CPNE4: variants seen among roughly 807,000 people sequenced by gnomAD.
The protein encoded by CPNE4 is copine-4.
CPNE4 carries 25 observed loss-of-function variants against 67.9 expected under a neutral mutation model. The observed-to-expected ratio is 0.37, with a 90% CI of 0.27 to 0.51. CPNE4 has a LOEUF of 0.51. Among genes scored for constraint, CPNE4 ranks in the 20% least tolerant of loss-of-function variants. The probability of loss-of-function intolerance (pLI) is 0.93; values close to 1 mark genes in which losing one functional copy is unlikely to be tolerated. For missense variants in CPNE4, 464 were observed against 690.8 expected (o/e 0.67, Z 3.68); for synonymous variants, 242 against 244.9 (o/e 0.99, Z 0.11).
At chr3:131,915,581 T>C (rs2089152679) in intron 1 of CPNE4, among the ~76,000 whole-genome samples, 1 of 152,206 alleles carries the variant, frequency 6.6e-6, no homozygotes, top group Non-Finnish European at 1.5e-5. Context: ...TATGAGTACA[T>C]GAATTAACAA....
chr3:131,958,620 T>C (rs141457668), intron 1 of CPNE4, among the ~76,000 whole-genome samples: 1 of 25,076 alleles, frequency 4.0e-5, no homozygotes, highest in African/African-American at 8.4e-5. Flanking sequence ...TTTTTTTTTT[T>C]TTTTTTTTTT....
intron 11 of CPNE4, among the ~76,000 whole-genome samples, chr3:131,556,908 A>G (rs77051965): frequency 0.027 from 4,172 of 152,200 alleles, 64 homozygotes; most frequent in Middle Eastern, 0.051. Context: ...GTATCTATTT[A>G]TTAAATTCTC....
chr3:131,873,031 G>C (rs1451757123), intron 2 of CPNE4, among the ~76,000 whole-genome samples: 1 of 152,148 alleles, frequency 6.6e-6, no homozygotes, highest in South Asian at 2.1e-4. Flanking sequence ...GTAAAGTTTT[G>C]CACGGTAATA....
At chr3:131,997,331 A>G (rs1560757226) in intron 1 of CPNE4, among the ~76,000 whole-genome samples, 1 of 152,074 alleles carries the variant, frequency 6.6e-6, no homozygotes, top group African/African-American at 2.4e-5. Flanking sequence ...CACTGTAGAG[A>G]CTGGTCTTCA....
intron 12 of CPNE4, among the ~76,000 whole-genome samples, chr3:131,554,902 A>G (rs1559888732): frequency 6.6e-6 from 1 of 151,668 alleles, no homozygotes. Context: ...GTAGTGTCTC[A>G]GCCTCATTAC....
At chr3:131,852,026 T>G (rs190759234) in intron 2 of CPNE4, among the ~76,000 whole-genome samples, 1 of 152,064 alleles carries the variant, frequency 6.6e-6, no homozygotes, top group Non-Finnish European at 1.5e-5. Flanking sequence ...CTCTGACTTA[T>G]GCAAGGTCAA....
At chr3:131,547,866 G>A (rs1935960038) in intron 14 of CPNE4, among the ~76,000 whole-genome samples, 1 of 152,134 alleles carries the variant, frequency 6.6e-6, no homozygotes, top group African/African-American at 2.4e-5. Context: ...ATAGCTATGG[G>A]TCACCTGATG....
At chr3:131,740,304 G>C (rs971131698) in intron 2 of CPNE4, among the ~76,000 whole-genome samples, 37 of 152,206 alleles carry the variant, frequency 2.4e-4, no homozygotes, top group African/African-American at 8.4e-4. Flanking sequence ...TGGCTCCCTA[G>C]GTCATCTTAT....
chr3:131,809,442 T>C (rs1275029598), intron 2 of CPNE4, among the ~76,000 whole-genome samples: 1 of 152,088 alleles, frequency 6.6e-6, no homozygotes, highest in African/African-American at 2.4e-5. Context: ...GATAATAAAT[T>C]TGTGTTGCTT....
At chr3:132,037,196 A>C (rs772863374), upstream of CPNE4, among the ~76,000 whole-genome samples, 2 of 152,242 alleles carry the variant, frequency 1.3e-5, no homozygotes, top group East Asian at 3.8e-4. Context: ...CAAACTAAAC[A>C]CAATGCCACA....
At chr3:131,931,197 T>A (rs937949199) in intron 1 of CPNE4, among the ~76,000 whole-genome samples, 1 of 152,132 alleles carries the variant, frequency 6.6e-6, no homozygotes. Context: ...TTTTGCAATA[T>A]TGCTCTTGAA....
Position 131,695,952 on chromosome 3 carries a change from C to T in CPNE4, c.507+590G>A, listed in dbSNP as rs181181499. On this transcript the variant is annotated intron_variant, in intron 5 of 15. Coordinates refer to ENST00000429747, the MANE Select transcript of CPNE4 (RefSeq NM_130808.3). ...TATGTTTTACTTCAATGATGAATTC[C>T]AGGTTGCAGATGTGAGAGTGGAATG... 2.0e-5 allele frequency among the ~76,000 whole-genome samples: 3 copies of T among 152,172 alleles called. No homozygotes were observed. The East Asian group carries it at 5.8e-4, about 29-fold the overall frequency.
chr3:131,766,990 G>GA (rs1162285139), intron 2 of CPNE4, among the ~76,000 whole-genome samples: 1 of 152,112 alleles, frequency 6.6e-6, no homozygotes, highest in Non-Finnish European at 1.5e-5. Context: ...GAAAGGAATA[G>GA]AAAAAACGAA....
intron 7 of CPNE4, among the ~76,000 whole-genome samples, chr3:131,612,931 C>A (rs1939935740): frequency 6.6e-6 from 1 of 152,196 alleles, no homozygotes; most frequent in African/African-American, 2.4e-5. Context: ...GTCAATGCTG[C>A]AGAACTGCAA....
chr3:131,780,860 G>T (rs1440519166), intron 2 of CPNE4, among the ~76,000 whole-genome samples: 3 of 151,978 alleles, frequency 2.0e-5, no homozygotes, highest in Non-Finnish European at 4.4e-5. Flanking sequence ...AAAAAAGACA[G>T]CACCAAAGGG....
chr3:131,539,244 G>T (rs554468484), intron 15 of CPNE4, among the ~76,000 whole-genome samples: 1 of 152,334 alleles, frequency 6.6e-6, no homozygotes, highest in South Asian at 2.1e-4. Flanking sequence ...AGCAGCCAGA[G>T]AATCTGTGTA....
chr3:131,775,611 T>C (rs915867822), intron 2 of CPNE4, among the ~76,000 whole-genome samples: 4 of 151,688 alleles, frequency 2.6e-5, no homozygotes. Context: ...TAAAGGGGAG[T>C]TTCCCCGCAC....
chr3:131,890,231 C>T (rs116399901), intron 2 of CPNE4, among the ~76,000 whole-genome samples: 2,169 of 151,852 alleles, frequency 0.014, 24 homozygotes, highest in Middle Eastern at 0.078. Context: ...ACTCATAAAA[C>T]ACAATAGTAA....
At chr3:131,798,503 G>T (rs2083981451) in intron 2 of CPNE4, among the ~76,000 whole-genome samples, 1 of 152,032 alleles carries the variant, frequency 6.6e-6, no homozygotes, top group East Asian at 1.9e-4. Flanking sequence ...ACAAAAAATG[G>T]TCTAAGTCTG....
Sources: gnomAD v4.1 joint callset for allele counts (sites outside exome capture counted in the v4.1 genomes callset) on GRCh38, gnomAD v4.1.1 for gene constraint, MANE v1.5 for transcripts, NCBI Gene and HGNC (gene_info 2026-07-23, HGNC 2026-07-21) for gene names.